KCMF1: variants seen among roughly 807,000 people sequenced by gnomAD.
KCMF1 encodes potassium channel modulatory factor 1.
Under a neutral mutation model 41.1 loss-of-function variants are expected in KCMF1, and 3 were observed. The observed-to-expected ratio is 0.07, with a 90% CI of 0.03 to 0.19. The LOEUF (loss-of-function observed/expected upper bound fraction) is 0.19, where lower values mean the gene tolerates loss of function less well. KCMF1 is among the 10% of genes least tolerant of loss of function. KCMF1 has a pLI of 1.00. For synonymous variants in KCMF1, 142 were observed against 164.5 expected (o/e 0.86, Z 1.04); for missense variants, 286 against 488.9 (o/e 0.58, Z 3.91).
At chr2:84,972,074 CGCGTCCCT>C (rs1309623672) in intron 1 of KCMF1, 1 of 152,176 alleles carries the variant, frequency 6.6e-6, no homozygotes, top group African/African-American at 2.4e-5. Context: ...TAGGCCTCGG[CGCGTCCCT>C]GGGCTCGGGT....
chr2:84,982,312 C>T (rs1485320606), intron 1 of KCMF1, among the ~76,000 whole-genome samples: 18 of 138,330 alleles, frequency 1.3e-4, no homozygotes, highest in Non-Finnish European at 1.7e-4. Context: ...GAGAAGTTTT[C>T]TAAATTAGGA....
chr2:85,008,384 T>TATC (rs1558573672), intron 1 of KCMF1, among the ~76,000 whole-genome samples: 10 of 120,364 alleles, frequency 8.3e-5, no homozygotes, highest in African/African-American at 3.0e-4. Context: ...TGATATATTA[T>TATC]ATATGATATA....
intron 1 of KCMF1, among the ~76,000 whole-genome samples, chr2:84,974,365 C>G (rs565464588): frequency 6.6e-6 from 1 of 151,900 alleles, no homozygotes; most frequent in African/African-American, 2.4e-5. Flanking sequence ...ACACTAAATC[C>G]TATGATTTTA....
chr2:85,008,370 C>T (rs933066398), intron 1 of KCMF1, among the ~76,000 whole-genome samples: 553 of 8,272 alleles, frequency 0.067, 44 homozygotes, highest in African/African-American at 0.11. Context: ...TATTATATAT[C>T]ATATGATATA....
intron 1 of KCMF1, among the ~76,000 whole-genome samples, chr2:84,979,510 C>G (rs1024910556): frequency 8.2e-6 from 1 of 122,202 alleles, no homozygotes; most frequent in Non-Finnish European, 1.7e-5. Flanking sequence ...GCAACAAGAG[C>G]GAAATTCTGT....
At chr2:85,017,035 T>TTA (rs1491254067) in intron 1 of KCMF1, among the ~76,000 whole-genome samples, 1 of 138,348 alleles carries the variant, frequency 7.2e-6, no homozygotes, top group Admixed American at 7.1e-5. Context: ...TTTTTTTTTT[T>TTA]GAGATGGAGT....
chr2:85,058,086 T>C lies in KCMF1; in HGVS notation c.*4677T>C, dbSNP rs1675977066. The C allele has an allele frequency of 6.6e-6, 1 of 152,494 alleles. No individual in the cohort carries two copies. 9.4% of individuals were successfully genotyped at this position (152,494 alleles called of 1,614,324 possible). A position where few individuals can be genotyped will look rare whatever the true frequency, so the allele number is the denominator to read the frequency against. On this transcript the variant is annotated 3_prime_UTR_variant, in exon 7 of 7. Coordinates refer to ENST00000409785, the MANE Select transcript of KCMF1 (RefSeq NM_020122.5). Reference sequence around the variant, plus strand: ...GATATGGATGAGGGCTGCACATGGCTGATTTGAAAACCCATGTGGGGCCGG... The same window carrying C: ...GATATGGATGAGGGCTGCACATGGCCGATTTGAAAACCCATGTGGGGCCGG...
intron 1 of KCMF1, among the ~76,000 whole-genome samples, chr2:85,024,467 T>C (rs142013949): frequency 0.01 from 1,589 of 152,122 alleles, 22 homozygotes; most frequent in African/African-American, 0.036. Context: ...AGTGAGACTC[T>C]ATCTCAAAAG....
At chr2:84,995,380 T>C (rs888666412) in intron 1 of KCMF1, among the ~76,000 whole-genome samples, 6 of 152,202 alleles carry the variant, frequency 3.9e-5, no homozygotes, top group Non-Finnish European at 5.9e-5. Flanking sequence ...AGGGTATCAG[T>C]TCTAGAGTCT....
chr2:85,008,317 ATATC>A lies in KCMF1; in HGVS notation c.17-19571_17-19568del, dbSNP rs375777259. Among the ~76,000 whole-genome samples, 117 of 81,144 alleles carry A rather than the reference ATATC, an allele frequency of 1.4e-3. 3 individuals carry two copies. Among genetic ancestry groups the A allele is most frequent in the African/African-American group, 7.5e-3 (101 of 13,434 alleles). 53.2% of individuals were successfully genotyped at this position (81,144 alleles called of 152,430 possible). The stretch of plus-strand genomic sequence containing the variant: ...ATATATAATATATAATATGATATAT[ATATC>A]ATATATAATATATAATATGATATAT... On this transcript the variant is annotated intron_variant, in intron 1 of 6. Transcript: ENST00000409785.
At chr2:85,029,541 G>T (rs1675209757) in intron 2 of KCMF1, among the ~76,000 whole-genome samples, 1 of 151,456 alleles carries the variant, frequency 6.6e-6, no homozygotes, top group Admixed American at 6.6e-5. Flanking sequence ...CAAGTGTGCA[G>T]TGAACCCTGA....
chr2:84,986,797 G>A (rs557311610), intron 1 of KCMF1, among the ~76,000 whole-genome samples: 16 of 152,202 alleles, frequency 1.1e-4, no homozygotes, highest in South Asian at 2.1e-4. Context: ...CAGGAGACTC[G>A]CTTGAACCCG....
rs1675907820 is a variant in KCMF1 at position 85,055,608 on chromosome 2, A to G, written c.*2199A>G. On this transcript the variant is annotated 3_prime_UTR_variant, in exon 7 of 7. Coordinates refer to ENST00000409785, the MANE Select transcript of KCMF1 (RefSeq NM_020122.5). The stretch of plus-strand genomic sequence containing the variant: ...ATTATTTTTTACCAGATATTTTACA[A>G]ATACCTCACCTCATCCTGTATGTAA... 6.6e-6 allele frequency: 1 copy of G among 152,184 alleles called. No homozygotes were observed. The highest frequency in any genetic ancestry group is 1.5e-5 in the Non-Finnish European group (1 of 68,026). 9.4% of individuals were successfully genotyped at this position (152,184 alleles called of 1,614,324 possible).
At position 85,057,599 on chromosome 2, in the gene KCMF1, A is replaced by C. The variant is rs1675965513; in HGVS notation, c.*4190A>C. The C allele has an allele frequency of 6.6e-6, 1 of 152,226 alleles. No individual in the cohort carries two copies. The highest frequency in any genetic ancestry group is 1.5e-5 in the Non-Finnish European group (1 of 68,054). The allele number at this position is 152,226 out of a possible 1,614,324, so 9.4% of individuals were successfully genotyped here. A position where few individuals can be genotyped will look rare whatever the true frequency, so the allele number is the denominator to read the frequency against. ...TGACTGTTTTTCTGAATAGTATAAAAATCTAATTCCCTGTGCTTATCGGCT... is the reference window on the plus strand; with the variant it reads ...TGACTGTTTTTCTGAATAGTATAAACATCTAATTCCCTGTGCTTATCGGCT... On this transcript the variant is annotated 3_prime_UTR_variant, in exon 7 of 7. Transcript: ENST00000409785.
At chr2:84,971,666 G>C (rs2103952828) in intron 1 of KCMF1, among the ~76,000 whole-genome samples, 199 bp downstream of exon 1, 1 of 151,172 alleles carries the variant, frequency 6.6e-6, no homozygotes, top group Middle Eastern at 3.4e-3. Context: ...GCCCTTAGCT[G>C]GGCCTGGTGC....
At chr2:85,000,154 G>T (rs1183043972) in intron 1 of KCMF1, among the ~76,000 whole-genome samples, 1 of 151,562 alleles carries the variant, frequency 6.6e-6, no homozygotes, top group Non-Finnish European at 1.5e-5. Context: ...GATTTTTTTT[G>T]AGATGGAGTC....
Position 85,043,624 on chromosome 2 carries a change from G to T in KCMF1, c.385G>T (p.Ala129Ser). The T allele has an allele frequency of 1.2e-6, 2 of 1,613,054 alleles. No individual in the cohort carries two copies. The highest frequency in any genetic ancestry group is 1.7e-6 in the Non-Finnish European group (2 of 1,179,234). The change falls in exon 4 of 7, where the codon GCA (alanine) becomes TCA (serine). Residue 129 changes from alanine to serine, a missense_variant. By Grantham distance (99) the Ala-to-Ser change is moderately conservative. Coordinates refer to ENST00000409785, the MANE Select transcript of KCMF1 (RefSeq NM_020122.5). Reference protein sequence around the residue: ...GDPNHVTDDFAAHLTLEHRAP... With the variant: ...GDPNHVTDDFSAHLTLEHRAP... ...TCCTAATCATGTCACGGATGACTTT[G>T]CAGCTCATCTTACACTTGAACACAG...
chr2:85,006,141 T>G (rs916670782), intron 1 of KCMF1, among the ~76,000 whole-genome samples: 2 of 152,044 alleles, frequency 1.3e-5, no homozygotes, highest in African/African-American at 4.8e-5. Context: ...CCCTACTTGT[T>G]GTCATTTGAG....
At chr2:85,008,354 A>G (rs202247211) in intron 1 of KCMF1, among the ~76,000 whole-genome samples, 1,879 of 56,366 alleles carry the variant, frequency 0.033, 266 homozygotes, top group African/African-American at 0.15. Flanking sequence ...TATAATATAT[A>G]ATATATATTA....
Sources: gnomAD v4.1 joint callset for allele counts (sites outside exome capture counted in the v4.1 genomes callset) on GRCh38, gnomAD v4.1.1 for gene constraint, MANE v1.5 for transcripts, NCBI Gene and HGNC (gene_info 2026-07-23, HGNC 2026-07-21) for gene names.